Variants in ZEB2 observed in about 807,000 individuals in gnomAD.
ZEB2 encodes the protein zinc finger E-box-binding homeobox 2.
In ZEB2, 6 loss-of-function variants were observed where a neutral mutation model predicts 99.9. The ratio of observed to expected loss-of-function variants is 0.06; its 90% CI spans 0.03 to 0.12. The LOEUF is 0.12. Ranked by LOEUF, ZEB2 falls within the 10% of genes least tolerant of loss-of-function variation. The pLI is 1.00. For synonymous variants in ZEB2, 517 were observed against 542.5 expected (o/e 0.95, Z 0.65); for missense variants, 969 against 1,502.8 (o/e 0.64, Z 5.87).
At chr2:144,486,955 G>C (rs1391511875) in intron 2 of ZEB2, among the ~76,000 whole-genome samples, 1 of 152,126 alleles carries the variant, frequency 6.6e-6, no homozygotes, top group Non-Finnish European at 1.5e-5. Flanking sequence ...AGGTGTATTG[G>C]TGATGGTATT....
chr2:144,406,119 A>G (rs1037727708), intron 4 of ZEB2, among the ~76,000 whole-genome samples: 4 of 152,106 alleles, frequency 2.6e-5, no homozygotes, highest in African/African-American at 9.7e-5. Context: ...TGACATACTA[A>G]TTCTCTTTGG....
At chr2:144,482,456 T>C (rs1704526406) in intron 2 of ZEB2, 1 of 152,212 alleles carries the variant, frequency 6.6e-6, no homozygotes, top group South Asian at 2.1e-4. Flanking sequence ...TAATTTCCTT[T>C]CTCATAATCC....
intron 2 of ZEB2, chr2:144,512,961 A>G: frequency 7.8e-7 from 1 of 1,287,238 alleles, no homozygotes; most frequent in Non-Finnish European, 1.0e-6. Flanking sequence ...CTTTACGAAG[A>G]AAGCTACTTG....
At chr2:144,505,772 C>T (rs1189890646) in intron 2 of ZEB2, among the ~76,000 whole-genome samples, 5 of 152,300 alleles carry the variant, frequency 3.3e-5, no homozygotes, top group Middle Eastern at 3.4e-3. Context: ...CCTACTGACA[C>T]GTATCATTTG....
chr2:144,396,587 T>C lies in ZEB2; in HGVS notation c.2892A>G (p.Glu964=), dbSNP rs1297038359. Residue 964 remains glutamate (E), a synonymous_variant, in exon 9 of 10, where the codon GAA becomes GAG. Transcript: ENST00000627532. ...KYQRKQGFQG[E]LLDGAQDYMS... ...TGTAGTCTTGTGCTCCATCAAGCAA[T>C]TCTCCCTGCGATAGAATCACACAGT... 2 of 1,613,406 alleles carry C rather than the reference T, an allele frequency of 1.2e-6. No homozygotes were observed. The highest frequency in any genetic ancestry group is 1.3e-5 in the African/African-American group (1 of 74,906).
intron 4 of ZEB2, among the ~76,000 whole-genome samples, chr2:144,415,003 T>C (rs902566806): frequency 2.9e-5 from 4 of 140,082 alleles, no homozygotes; most frequent in African/African-American, 8.4e-5. Context: ...TTACTTTTTT[T>C]CTTTTTTTTT....
At chr2:144,418,529 A>G (rs1051007876) in intron 4 of ZEB2, among the ~76,000 whole-genome samples, 1 of 152,130 alleles carries the variant, frequency 6.6e-6, no homozygotes, top group Middle Eastern at 3.4e-3. Flanking sequence ...CTCTACTAAA[A>G]GTACAAAAAT....
chr2:144,480,690 T>C (rs1028226840), intron 2 of ZEB2, among the ~76,000 whole-genome samples: 3 of 149,370 alleles, frequency 2.0e-5, no homozygotes, highest in African/African-American at 7.5e-5. Context: ...CTTAGCCACC[T>C]ACCTGTCATC....
intron 1 of ZEB2, chr2:144,519,445 C>CA: frequency 2.0e-5 from 3 of 153,318 alleles, no homozygotes; most frequent in South Asian, 2.0e-4. Context: ...ACTGCCATGT[C>CA]TAAGAGAAAG....
At chr2:144,470,467 A>G (rs1295813303) in intron 2 of ZEB2, 4 of 152,152 alleles carry the variant, frequency 2.6e-5, no homozygotes, top group African/African-American at 9.7e-5. Flanking sequence ...TGATATTTGT[A>G]ATAAATGTTC....
chr2:144,516,283 C>T (rs1051880414), intron 2 of ZEB2: 2 of 149,340 alleles, frequency 1.3e-5, no homozygotes, highest in African/African-American at 2.5e-5. Context: ...GCCTTCCGCG[C>T]TCTTGCCAAT....
intron 2 of ZEB2, among the ~76,000 whole-genome samples, chr2:144,437,937 AC>A (rs1221285555): frequency 3.3e-5 from 5 of 152,118 alleles, no homozygotes. Flanking sequence ...TAGTTGCCCC[AC>A]CCTAAACCTT....
At position 144,399,285 on chromosome 2, in the gene ZEB2, G is replaced by A. The variant is rs1246590194; in HGVS notation, c.1902C>T (p.Leu634=). The A allele has an allele frequency of 6.2e-7, 1 of 1,614,120 alleles. No individual in the cohort carries two copies. Among genetic ancestry groups the A allele is most frequent in the Non-Finnish European group, 8.5e-7 (1 of 1,180,014 alleles). ...TCTCAGAAAGTACAGATGACAAGAGGAGGGCTTTATTATCAACAAAAACTC... is the reference window on the plus strand; with the variant it reads ...TCTCAGAAAGTACAGATGACAAGAGAAGGGCTTTATTATCAACAAAAACTC... ...KAGVFVDNKA[L]LLSSVLSEKG... Residue 634 remains leucine, a synonymous_variant, in exon 8 of 10, where the codon CTC becomes CTT. Transcript: ENST00000627532. This position sits in a 1 kb window ranked among gnomAD's most constrained non-coding sequence, Gnocchi z 5.6.
At chr2:144,440,497 ATATATATATATATATATATTTTTTTT>A (rs1177633499) in intron 2 of ZEB2, among the ~76,000 whole-genome samples, 13 of 13,958 alleles carry the variant, frequency 9.3e-4, no homozygotes, top group Non-Finnish European at 1.7e-3. Flanking sequence ...ATATATATAT[ATATATATATATATATATATTTTTTTT>A]TTTTTTTTTT....
At chr2:144,511,920 C>A in intron 2 of ZEB2, 1 of 1,287,170 alleles carries the variant, frequency 7.8e-7, no homozygotes, top group Non-Finnish European at 1.0e-6. Flanking sequence ...ATGTTAACAT[C>A]TGCTTTTGTG....
intron 9 of ZEB2, among the ~76,000 whole-genome samples, chr2:144,396,206 T>C (rs1276907528): frequency 1.3e-5 from 2 of 152,202 alleles, no homozygotes; most frequent in African/African-American, 4.8e-5. Flanking sequence ...TGGAAAGATA[T>C]TAAGACAAGC....
chr2:144,438,010 A>C (rs1197298209), intron 2 of ZEB2, among the ~76,000 whole-genome samples: 2 of 152,220 alleles, frequency 1.3e-5, no homozygotes, highest in Non-Finnish European at 2.9e-5. Flanking sequence ...TAGCTATTGT[A>C]GTCCCACGAA....
intron 2 of ZEB2, among the ~76,000 whole-genome samples, chr2:144,431,827 G>A (rs1289296310): frequency 6.8e-6 from 1 of 146,586 alleles, no homozygotes; most frequent in East Asian, 2.1e-4. Flanking sequence ...AGAATGCTGG[G>A]GGTAGGGGGG....
At chr2:144,517,555 G>GCCCCCCCCCCCCCCCCCCCCCCCCCCC in intron 1 of ZEB2, 136 bp from the exon 2 acceptor site, 2 of 676,200 alleles carry the variant, frequency 3.0e-6, no homozygotes, top group South Asian at 1.6e-5. Context: ...AACTTCGGCG[G>GCCCCCCCCCCCCCCCCCCCCCCCCCCC]CCCCCTCCCC....
Sources: allele counts gnomAD v4.1 joint callset (sites outside exome capture counted in the v4.1 genomes callset), GRCh38; gene constraint gnomAD v4.1.1; non-coding constraint Gnocchi (gnomAD v3.1); transcripts MANE v1.5; gene names NCBI Gene and HGNC (gene_info 2026-07-23, HGNC 2026-07-21).